The following LARS2 variants were observed in gnomAD, a reference collection of about 807,000 sequenced individuals.
LARS2 encodes the protein leucyl-tRNA synthetase 2, mitochondrial.
In LARS2, 81 loss-of-function variants were observed where a neutral mutation model predicts 116.6. That is an observed-to-expected ratio of 0.69 (90% CI 0.58 to 0.84). The LOEUF (loss-of-function observed/expected upper bound fraction) is 0.84. Among genes scored for constraint, LARS2 ranks in the 40% least tolerant of loss-of-function variants. The pLI is 0.00. For synonymous variants in LARS2, 396 were observed against 407.2 expected, an observed-to-expected ratio of 0.97 and a Z score of 0.33; for missense variants, 968 against 1,114.5, an observed-to-expected ratio of 0.87 and a Z score of 1.87.
At chr3:45,545,427 G>A (rs1464885678) in intron 21 of LARS2, among the ~76,000 whole-genome samples, 1 of 152,224 alleles carries the variant, frequency 6.6e-6, no homozygotes, top group Non-Finnish European at 1.5e-5. Context: ...TGATGTCAAT[G>A]TGCTTCTTCC....
intron 8 of LARS2, among the ~76,000 whole-genome samples, chr3:45,468,091 A>C (rs7615061): frequency 0.8 from 121,324 of 151,770 alleles, 52,658 homozygotes; most frequent in East Asian, 0.98. Context: ...AGAGTGAGAC[A>C]CTGTCTCAAA....
intron 10 of LARS2, among the ~76,000 whole-genome samples, chr3:45,476,904 C>A (rs952679242): frequency 6.6e-6 from 1 of 152,072 alleles, no homozygotes. Context: ...ATCTAAAGTT[C>A]TTTTCTCCTA....
intron 5 of LARS2, 119 bp from the exon 6 acceptor site, chr3:45,419,550 C>G (rs772679186): frequency 6.4e-6 from 5 of 785,388 alleles, no homozygotes; most frequent in Non-Finnish European, 1.1e-5. Context: ...CAAAGCAACA[C>G]TTAAAACCCA....
intron 6 of LARS2, among the ~76,000 whole-genome samples, chr3:45,425,251 G>T (rs1034378782): frequency 2.0e-5 from 3 of 151,964 alleles, no homozygotes; most frequent in African/African-American, 7.3e-5. Context: ...TGTCTGTTTT[G>T]GAATCTTTTC....
chr3:45,487,505 C>T (rs11130066), intron 11 of LARS2, among the ~76,000 whole-genome samples: 78,073 of 152,092 alleles, frequency 0.51, 23,949 homozygotes, highest in East Asian at 0.78. Context: ...CTTTATATCT[C>T]TCAGTTTTCA....
chr3:45,537,987 C>CTTAGA (rs1700733761), intron 20 of LARS2, among the ~76,000 whole-genome samples: 1 of 152,246 alleles, frequency 6.6e-6, no homozygotes, highest in Non-Finnish European at 1.5e-5. Context: ...CACTTCCCAG[C>CTTAGA]CTGTGTTTAG....
chr3:45,480,261 A>G (rs1413659205), intron 10 of LARS2, among the ~76,000 whole-genome samples: 2 of 152,238 alleles, frequency 1.3e-5, no homozygotes, highest in African/African-American at 4.8e-5. Flanking sequence ...GCTAATGTGC[A>G]CTGTGACTGT....
At chr3:45,417,711 G>C in intron 5 of LARS2, 138 bp downstream of exon 5, 1 of 597,770 alleles carries the variant, frequency 1.7e-6, no homozygotes, top group South Asian at 2.1e-5. Context: ...TGTGTATATT[G>C]GTGTTTGTCT....
At chr3:45,475,222 G>A (rs1168932151) in intron 9 of LARS2, among the ~76,000 whole-genome samples, 3 of 152,254 alleles carry the variant, frequency 2.0e-5, no homozygotes, top group African/African-American at 4.8e-5. Context: ...CTAGACTCTT[G>A]CCTGCTGACA....
intron 6 of LARS2, among the ~76,000 whole-genome samples, chr3:45,435,316 G>T (rs1197979591): frequency 6.6e-6 from 1 of 152,076 alleles, no homozygotes; most frequent in Non-Finnish European, 1.5e-5. Context: ...GTTCACTAAC[G>T]CCCAATAGGG....
chr3:45,405,061 T>G (rs898697450), intron 4 of LARS2, among the ~76,000 whole-genome samples: 5 of 152,114 alleles, frequency 3.3e-5, no homozygotes, highest in Admixed American at 3.3e-4. Flanking sequence ...AATATAAGCT[T>G]CTCAGTGGCA....
intron 2 of LARS2, among the ~76,000 whole-genome samples, chr3:45,392,713 C>T (rs1033959542): frequency 6.6e-6 from 1 of 151,950 alleles, no homozygotes; most frequent in African/African-American, 2.4e-5. Flanking sequence ...TGTAAGATGC[C>T]CACATTATGT....
intron 10 of LARS2, 56 bp from the exon 11 acceptor site, chr3:45,485,636 G>T (rs565244582): frequency 2.2e-6 from 2 of 913,996 alleles, no homozygotes; most frequent in Non-Finnish European, 3.4e-6. Flanking sequence ...CTGAGATTCA[G>T]ATGGTGTTGG....
chr3:45,520,370 C>A, intron 19 of LARS2, 74 bp downstream of exon 19: 2 of 1,055,372 alleles, frequency 1.9e-6, no homozygotes, highest in East Asian at 4.7e-5. Flanking sequence ...CACAGGGTCC[C>A]AAGAGGGACA....
chr3:45,531,085 T>A (rs1374794870), intron 20 of LARS2, among the ~76,000 whole-genome samples: 1 of 152,236 alleles, frequency 6.6e-6, no homozygotes, highest in Non-Finnish European at 1.5e-5. Flanking sequence ...TGACTGATAA[T>A]GGCTGGCATA....
Position 45,487,253 on chromosome 3 carries a change from C to G in LARS2, c.1124-1444C>G, listed in dbSNP as rs114518557. Among the ~76,000 whole-genome samples, 461 of 152,286 alleles carry G rather than the reference C, an allele frequency of 3.0e-3. 2 individuals are homozygous for G. The highest frequency in any genetic ancestry group is 0.01 in the African/African-American group (426 of 41,548). On this transcript the variant is annotated intron_variant, in intron 11 of 21. Coordinates refer to ENST00000645846, the MANE Select transcript of LARS2 (RefSeq NM_015340.4). The stretch of plus-strand genomic sequence containing the variant: ...TATTTTCCTTTCTTGACTATGAACA[C>G]CTTTTGGTAGTATATTTATTGCTTG...
intron 20 of LARS2, among the ~76,000 whole-genome samples, chr3:45,528,612 G>A (rs1196708810): frequency 6.6e-6 from 1 of 152,118 alleles, no homozygotes; most frequent in African/African-American, 2.4e-5. Flanking sequence ...CCCCCAGCAT[G>A]ACTAATCTTT....
At chr3:45,538,198 A>G (rs1459093557) in intron 20 of LARS2, 1 of 152,200 alleles carries the variant, frequency 6.6e-6, no homozygotes, top group Non-Finnish European at 1.5e-5. Flanking sequence ...TCCCATCTAT[A>G]TGGAAATGTT....
At chr3:45,409,511 A>G (rs554293632) in intron 4 of LARS2, among the ~76,000 whole-genome samples, 41 of 152,326 alleles carry the variant, frequency 2.7e-4, no homozygotes, top group African/African-American at 9.9e-4. Flanking sequence ...TAAATAGGCC[A>G]TAACAACTTG....
Sources: allele counts gnomAD v4.1 joint callset (sites outside exome capture counted in the v4.1 genomes callset), GRCh38; gene constraint gnomAD v4.1.1; transcripts MANE v1.5; gene names NCBI Gene and HGNC (gene_info 2026-07-23, HGNC 2026-07-21).